The following RPS6KC1 variants were observed in gnomAD, a reference collection of about 807,000 sequenced individuals.
The protein encoded by RPS6KC1 is ribosomal protein S6 kinase C1, also known as inactive ribosomal protein S6 kinase delta-1.
RPS6KC1 carries 54 observed loss-of-function variants against 103.8 expected under a neutral mutation model. The observed-to-expected ratio is 0.52, with a 90% confidence interval of 0.42 to 0.65. RPS6KC1 has a LOEUF of 0.65. RPS6KC1 is among the 30% of genes least tolerant of loss of function. The probability of loss-of-function intolerance (pLI) is 0.00; values close to 1 mark genes in which losing one functional copy is unlikely to be tolerated. For missense variants in RPS6KC1, 1,151 were observed against 1,253.8 expected (o/e 0.92, Z 1.24); for synonymous variants, 439 against 438.7 (o/e 1.00, Z -0.01).
chr1:213,648,598 A>G, the RPS6KC1 span, among the ~76,000 whole-genome samples: 1 of 151,996 alleles, frequency 6.6e-6, no homozygotes, highest in Non-Finnish European at 1.5e-5. Context: ...CTCATCTGAA[A>G]TCCTAGGGTC....
At chr1:213,146,742 A>AT (rs912268919) in intron 6 of RPS6KC1, among the ~76,000 whole-genome samples, 1 of 151,268 alleles carries the variant, frequency 6.6e-6, no homozygotes, top group Non-Finnish European at 1.5e-5. Context: ...TGCAATTTTT[A>AT]TTTTTTTTGA....
the RPS6KC1 span, among the ~76,000 whole-genome samples, chr1:213,521,408 G>T: frequency 3.3e-5 from 5 of 152,218 alleles, no homozygotes; most frequent in African/African-American, 1.2e-4. Flanking sequence ...TACTTGTAGA[G>T]GGTCTTGCCT....
chr1:213,582,710 G>A, the RPS6KC1 span, among the ~76,000 whole-genome samples: 2 of 152,232 alleles, frequency 1.3e-5, no homozygotes, highest in Non-Finnish European at 2.9e-5. Context: ...ATTTGGCCAA[G>A]GCCCCATAGC....
the RPS6KC1 span, among the ~76,000 whole-genome samples, chr1:213,589,609 T>G: frequency 2.7e-5 from 4 of 149,482 alleles, no homozygotes; most frequent in Non-Finnish European, 5.9e-5. Flanking sequence ...GCCATTGCAC[T>G]CTAGTCTGGT....
intron 8 of RPS6KC1, among the ~76,000 whole-genome samples, chr1:213,184,834 C>T (rs1291550413): frequency 6.6e-6 from 1 of 151,952 alleles, no homozygotes; most frequent in Non-Finnish European, 1.5e-5. Context: ...GTGTTTTATC[C>T]CATTGTGGTC....
intron 2 of RPS6KC1, among the ~76,000 whole-genome samples, chr1:213,074,009 A>C (rs2079096469): frequency 6.6e-6 from 1 of 152,218 alleles, no homozygotes; most frequent in Admixed American, 6.5e-5. Context: ...ATATCGGGAA[A>C]GGAAAGGCTC....
the RPS6KC1 span, among the ~76,000 whole-genome samples, chr1:213,657,529 A>G: frequency 1.3e-5 from 2 of 152,324 alleles, no homozygotes; most frequent in African/African-American, 2.4e-5. Flanking sequence ...TGCATTTCCT[A>G]AAAGAAACCA....
At chr1:213,437,280 T>A in the RPS6KC1 span, among the ~76,000 whole-genome samples, 1 of 152,052 alleles carries the variant, frequency 6.6e-6, no homozygotes, top group African/African-American at 2.4e-5. Flanking sequence ...TATATTTTGT[T>A]CTTCATCTTT....
chr1:213,496,900 T>C, the RPS6KC1 span, among the ~76,000 whole-genome samples: 1 of 152,316 alleles, frequency 6.6e-6, no homozygotes. Context: ...AGTGGAAGCA[T>C]TTACACCACA....
chr1:213,846,161 G>C, the RPS6KC1 span, among the ~76,000 whole-genome samples: 1 of 150,988 alleles, frequency 6.6e-6, no homozygotes, highest in African/African-American at 2.4e-5. Flanking sequence ...TTAGCCTGGC[G>C]TGGTGGCACT....
At chr1:213,092,460 A>T (rs900369866) in intron 3 of RPS6KC1, among the ~76,000 whole-genome samples, 2 of 152,130 alleles carry the variant, frequency 1.3e-5, no homozygotes, top group Non-Finnish European at 2.9e-5. Context: ...TCGCAAGGTC[A>T]GGAGATCGAG....
chr1:213,380,212 A>G, the RPS6KC1 span, among the ~76,000 whole-genome samples: 1 of 152,214 alleles, frequency 6.6e-6, no homozygotes, highest in East Asian at 1.9e-4. Context: ...TCCTCAGCAA[A>G]CTGACGCAGG....
At chr1:213,206,204 T>C (rs771984745) in intron 8 of RPS6KC1, among the ~76,000 whole-genome samples, 1 of 152,254 alleles carries the variant, frequency 6.6e-6, no homozygotes, top group Non-Finnish European at 1.5e-5. Context: ...CTTTAAGTAA[T>C]TTTGAAATAA....
chr1:213,693,484 C>CT, the RPS6KC1 span, among the ~76,000 whole-genome samples: 1 of 152,184 alleles, frequency 6.6e-6, no homozygotes, highest in Admixed American at 6.5e-5. Context: ...CAACACCCAA[C>CT]ATTCAGTGAT....
chr1:213,750,439 T>A, the RPS6KC1 span, among the ~76,000 whole-genome samples: 1 of 152,242 alleles, frequency 6.6e-6, no homozygotes, highest in Non-Finnish European at 1.5e-5. Context: ...GCAAGGAGGC[T>A]ACAGTTTAAT....
At chr1:213,571,667 T>G in the RPS6KC1 span, among the ~76,000 whole-genome samples, 1 of 152,240 alleles carries the variant, frequency 6.6e-6, no homozygotes. Flanking sequence ...AAGGTTTGTC[T>G]GCCGGACTCC....
chr1:213,131,926 TTTAA>T (rs1164662887), intron 6 of RPS6KC1, among the ~76,000 whole-genome samples: 1 of 152,256 alleles, frequency 6.6e-6, no homozygotes, highest in South Asian at 2.1e-4. Flanking sequence ...ATCACTGGTG[TTTAA>T]TTGACACAAA....
At chr1:213,443,412 C>T in the RPS6KC1 span, among the ~76,000 whole-genome samples, 5 of 152,316 alleles carry the variant, frequency 3.3e-5, no homozygotes, top group East Asian at 9.7e-4. Flanking sequence ...CAGTGTACAA[C>T]CTGCACAACT....
At chr1:213,796,918 G>C in the RPS6KC1 span, among the ~76,000 whole-genome samples, 2 of 152,096 alleles carry the variant, frequency 1.3e-5, no homozygotes, top group Admixed American at 1.3e-4. Context: ...CAGTCCTGAG[G>C]CCAAATTAAA....
Sources: allele counts gnomAD v4.1 joint callset (sites outside exome capture counted in the v4.1 genomes callset), GRCh38; gene constraint gnomAD v4.1.1; transcripts MANE v1.5; gene names NCBI Gene and HGNC (gene_info 2026-07-23, HGNC 2026-07-21).